Variants in CDK19 observed in about 807,000 individuals in gnomAD.
CDK19 encodes the protein cyclin dependent kinase 19, also known as cyclin-dependent kinase 19.
Under a neutral mutation model 68.3 loss-of-function variants are expected in CDK19, and 20 were observed. That is an observed-to-expected ratio of 0.29 (90% confidence interval 0.21 to 0.43). The LOEUF (loss-of-function observed/expected upper bound fraction) is 0.43. Among genes scored for constraint, CDK19 ranks in the 20% least tolerant of loss-of-function variants. The pLI is 1.00. For missense variants in CDK19, 339 were observed against 623.5 expected, an observed-to-expected ratio of 0.54 and a Z score of 4.86; for synonymous variants, 221 against 222.8, an observed-to-expected ratio of 0.99 and a Z score of 0.07.
intron 2 of CDK19, among the ~76,000 whole-genome samples, chr6:110,718,665 A>T (rs1775592049): frequency 6.6e-6 from 1 of 150,574 alleles, no homozygotes; most frequent in African/African-American, 2.4e-5. Context: ...AACCCTTCTA[A>T]TTCTTTATCA....
intron 2 of CDK19, among the ~76,000 whole-genome samples, chr6:110,710,254 G>T (rs1401194613): frequency 1.3e-5 from 2 of 152,200 alleles, no homozygotes; most frequent in Non-Finnish European, 2.9e-5. Flanking sequence ...TTGTCGAAGT[G>T]TCAAGACTCA....
At chr6:110,732,476 C>T (rs1166504127) in intron 2 of CDK19, among the ~76,000 whole-genome samples, 1 of 152,048 alleles carries the variant, frequency 6.6e-6, no homozygotes, top group Non-Finnish European at 1.5e-5. Context: ...GCAGAGGTTG[C>T]AGTGAACAGA....
chr6:110,623,432 C>T (rs1000634361), intron 8 of CDK19, 70 bp from the exon 9 acceptor site: 2 of 1,568,694 alleles, frequency 1.3e-6, no homozygotes, highest in African/African-American at 1.4e-5. Context: ...ATGATAAGCT[C>T]CAGGATTGGC....
intron 1 of CDK19, among the ~76,000 whole-genome samples, chr6:110,780,987 C>T (rs1780766943): frequency 6.6e-6 from 1 of 152,072 alleles, no homozygotes; most frequent in African/African-American, 2.4e-5. Context: ...CTTTTAGTGC[C>T]TACTACATAG....
In CDK19 at chr6:110,812,927, G is replaced by C. The variant is rs7767484; in HGVS notation, c.128+2082C>G. ...CCACTACCAACCCACAAGAGACGTGGGTGTTTACTGTAAAGTTGCAAATCT... is the reference window on the plus strand; with the variant it reads ...CCACTACCAACCCACAAGAGACGTGCGTGTTTACTGTAAAGTTGCAAATCT... On this transcript the variant is annotated intron_variant, in intron 1 of 12. Coordinates refer to ENST00000368911, the MANE Select transcript of CDK19 (RefSeq NM_015076.5). Among the ~76,000 whole-genome samples the C allele has an allele frequency of 8.9e-3, 1,348 of 152,042 alleles. 2 individuals carry two copies. The highest frequency in any genetic ancestry group is 0.014 in the Non-Finnish European group (936 of 67,996).
At chr6:110,687,161 G>A (rs1447101709) in intron 2 of CDK19, among the ~76,000 whole-genome samples, 1 of 152,162 alleles carries the variant, frequency 6.6e-6, no homozygotes, top group East Asian at 1.9e-4. Flanking sequence ...CACTGGCTGA[G>A]GATCTGAAGG....
In CDK19 at chr6:110,621,197, G is replaced by A; in HGVS notation, c.1284C>T (p.Asp428=). The A allele has an allele frequency of 1.9e-6, 3 of 1,614,064 alleles. No homozygotes were observed. Among genetic ancestry groups the A allele is most frequent in the South Asian group, 1.1e-5 (1 of 91,080 alleles). ...GTGAGLQHSQ[D]SSLNQVPPNK... ...TTGGAGGCACCTGGTTCAGGCTGGA[G>A]TCCTGGCTGTGCTGCAACCCTGCTC... Residue 428 remains aspartate, a synonymous_variant, in exon 12 of 13, where the codon GAC becomes GAT. Coordinates refer to ENST00000368911, the MANE Select transcript of CDK19 (RefSeq NM_015076.5). The surrounding 1 kb of genome is among the most constrained non-coding windows in gnomAD (Gnocchi z 5.4).
chr6:110,760,679 G>A (rs763759303), intron 1 of CDK19, among the ~76,000 whole-genome samples: 51 of 152,186 alleles, frequency 3.4e-4, no homozygotes, highest in Non-Finnish European at 6.5e-4. Context: ...AGTGAGCTGT[G>A]ATCACATCAT....
At chr6:110,737,203 C>G (rs1041665723) in intron 2 of CDK19, among the ~76,000 whole-genome samples, 42 of 152,166 alleles carry the variant, frequency 2.8e-4, no homozygotes, top group Non-Finnish European at 4.7e-4. Flanking sequence ...GTTACCACAC[C>G]ATCCCATCTT....
At chr6:110,779,854 G>A (rs1445919972) in intron 1 of CDK19, among the ~76,000 whole-genome samples, 2 of 152,116 alleles carry the variant, frequency 1.3e-5, no homozygotes, top group Non-Finnish European at 2.9e-5. Context: ...AGAGGCTGAG[G>A]TGGGCAGATT....
At chr6:110,667,406 T>C (rs1782010802) in intron 4 of CDK19, 28 bp downstream of exon 4, 1 of 1,450,452 alleles carries the variant, frequency 6.9e-7, no homozygotes, top group Non-Finnish European at 9.4e-7. Flanking sequence ...GAAAAACATA[T>C]TGATGAATTT....
intron 2 of CDK19, among the ~76,000 whole-genome samples, chr6:110,731,166 TTAG>T (rs1350552327): frequency 6.7e-6 from 1 of 150,322 alleles, no homozygotes; most frequent in African/African-American, 2.4e-5. Flanking sequence ...AGAAATTAAT[TTAG>T]AATATCAAGC....
At chr6:110,786,821 G>A (rs1052322240) in intron 1 of CDK19, among the ~76,000 whole-genome samples, 4 of 152,072 alleles carry the variant, frequency 2.6e-5, no homozygotes, top group South Asian at 4.1e-4. Flanking sequence ...TCAAGATAAA[G>A]GGTTCTCATT....
At chr6:110,771,694 A>G (rs564052667) in intron 1 of CDK19, among the ~76,000 whole-genome samples, 217 of 152,216 alleles carry the variant, frequency 1.4e-3, no homozygotes, top group African/African-American at 4.9e-3. Context: ...AAATTTTCCA[A>G]CCTCTTATGC....
intron 4 of CDK19, chr6:110,646,620 G>C: frequency 3.3e-6 from 2 of 602,742 alleles, no homozygotes; most frequent in Non-Finnish European, 5.3e-6. Flanking sequence ...GGGGGGATTC[G>C]GAAAAGACAA....
At chr6:110,707,412 C>T (rs2114672651) in intron 2 of CDK19, among the ~76,000 whole-genome samples, 1 of 152,028 alleles carries the variant, frequency 6.6e-6, no homozygotes, top group South Asian at 2.1e-4. Context: ...GCAGAACAGG[C>T]ATTAAAACAC....
At chr6:110,730,527 G>A (rs1776669076) in intron 2 of CDK19, among the ~76,000 whole-genome samples, 1 of 152,200 alleles carries the variant, frequency 6.6e-6, no homozygotes, top group Admixed American at 6.5e-5. Flanking sequence ...ATAACATGTA[G>A]ATAGTTACGA....
chr6:110,638,820 A>G (rs971925375), intron 4 of CDK19, 114 bp from the exon 5 acceptor site: 1 of 674,086 alleles, frequency 1.5e-6, no homozygotes, highest in African/African-American at 1.8e-5. Flanking sequence ...ATCAAAAGTA[A>G]ATCAAATATT....
rs996182939 is a variant in CDK19 at position 110,803,645 on chromosome 6, T to G, written c.128+11364A>C. ...AAAATAATAGGATTTACTCAGTGTT[T>G]AAGTCACTCTTAAAATGCAATTACA... On this transcript the variant is annotated intron_variant, in intron 1 of 12. Coordinates refer to ENST00000368911, the MANE Select transcript of CDK19 (RefSeq NM_015076.5). Among the ~76,000 whole-genome samples the G allele has an allele frequency of 2.6e-5, 4 of 152,206 alleles. No individual in the cohort carries two copies. The East Asian group carries it at 5.8e-4, about 22-fold the overall frequency.
Sources: allele counts gnomAD v4.1 joint callset (sites outside exome capture counted in the v4.1 genomes callset), GRCh38; gene constraint gnomAD v4.1.1; non-coding constraint Gnocchi (gnomAD v3.1); transcripts MANE v1.5; gene names NCBI Gene and HGNC (gene_info 2026-07-23, HGNC 2026-07-21).